Variants in TRPC6 observed in about 807,000 individuals in gnomAD.
The protein encoded by TRPC6 is short transient receptor potential channel 6.
TRPC6 carries 55 observed loss-of-function variants against 90.7 expected under a neutral mutation model. That is an observed-to-expected ratio of 0.61 (90% CI 0.49 to 0.76). The LOEUF is 0.76. Among genes scored for constraint, TRPC6 ranks in the 30% least tolerant of loss-of-function variants. TRPC6 has a pLI of 0.00. For missense variants in TRPC6, 989 were observed against 1,122.7 expected (o/e 0.88, Z 1.70); for synonymous variants, 393 against 393.0 (o/e 1.00, Z 0.00).
intron 1 of TRPC6, among the ~76,000 whole-genome samples, chr11:101,536,556 A>C (rs1328703815): frequency 1.3e-5 from 2 of 152,162 alleles, no homozygotes; most frequent in Non-Finnish European, 2.9e-5. Context: ...TAAGATGAAA[A>C]CCAAAGAAAA....
chr11:101,484,595 ATGTGTGTGTGTG>A (rs61160203), intron 4 of TRPC6, among the ~76,000 whole-genome samples: 26,024 of 140,822 alleles, frequency 0.18, 2,884 homozygotes, highest in African/African-American at 0.33. Flanking sequence ...CTCTCATGCT[ATGTGTGTGTGTG>A]TGTGTGTGTG....
chr11:101,491,723 G>GT lies in TRPC6; in HGVS notation c.960dup (p.Leu321ThrfsTer14). 1 of 1,604,796 alleles carries GT rather than the reference G, an allele frequency of 6.2e-7. No individual in the cohort carries two copies. Among genetic ancestry groups the GT allele is most frequent in the Non-Finnish European group, 8.5e-7 (1 of 1,174,300 alleles). On this transcript the variant is annotated frameshift_variant, in exon 3 of 13. Transcript: ENST00000344327. LOFTEE classifies it high-confidence loss of function. ...ACAAAGTCTTTGCACTGCATTGACAGTTTTTTGTAGTCATTCTAGGAAAAA... is the reference window on the plus strand; with the variant it reads ...ACAAAGTCTTTGCACTGCATTGACAGTTTTTTTGTAGTCATTCTAGGAAAAA...
intron 2 of TRPC6, among the ~76,000 whole-genome samples, chr11:101,494,301 A>G (rs4129254): frequency 0.42 from 63,441 of 151,952 alleles, 14,062 homozygotes; most frequent in African/African-American, 0.58. Flanking sequence ...CAGTCTATGA[A>G]GTAGGGGTTC....
At chr11:101,532,446 T>C (rs1860929498) in intron 1 of TRPC6, among the ~76,000 whole-genome samples, 1 of 152,182 alleles carries the variant, frequency 6.6e-6, no homozygotes, top group East Asian at 1.9e-4. Context: ...CCTAAAAGCA[T>C]CCAGGAATAA....
chr11:101,471,485 A>G (rs1472434421), intron 8 of TRPC6, 99 bp from the exon 9 acceptor site: 13 of 1,251,366 alleles, frequency 1.0e-5, no homozygotes, highest in Middle Eastern at 2.7e-4. Flanking sequence ...AATGCCTATA[A>G]ACACTCTCAG....
At position 101,469,520 on chromosome 11, in the gene TRPC6, A is replaced by G. The variant is rs773920236; in HGVS notation, c.2410-19T>C. Reference sequence around the variant, plus strand: ...CATTTATCTTTTAAAGATAGATAGTAAAATGAGTATAACTGCATAACCAAT... The same window carrying G: ...CATTTATCTTTTAAAGATAGATAGTGAAATGAGTATAACTGCATAACCAAT... On this transcript the variant is annotated intron_variant, in intron 9 of 12. Transcript: ENST00000344327. The G allele has an allele frequency of 1.2e-5, 9 of 744,322 alleles. No individual in the cohort carries two copies. In the Admixed American group the frequency reaches 1.6e-4, roughly 14 times the overall value. 46.1% of individuals were successfully genotyped at this position (744,322 alleles called of 1,614,324 possible). A position where few individuals can be genotyped will look rare whatever the true frequency, so the allele number is the denominator to read the frequency against.
At chr11:101,455,492 T>A (rs761169810) in intron 10 of TRPC6, 3 of 203,190 alleles carry the variant, frequency 1.5e-5, no homozygotes, top group Non-Finnish European at 3.0e-5. Flanking sequence ...AACTAAGACA[T>A]CCACACCTGA....
chr11:101,570,995 A>G (rs553560670), intron 1 of TRPC6, among the ~76,000 whole-genome samples: 1 of 152,306 alleles, frequency 6.6e-6, no homozygotes, highest in African/African-American at 2.4e-5. Flanking sequence ...CTCCTATTCA[A>G]CATAGTATTG....
At chr11:101,455,344 C>T (rs775878621) in intron 10 of TRPC6, 8 of 426,202 alleles carry the variant, frequency 1.9e-5, no homozygotes, top group Non-Finnish European at 3.0e-5. Context: ...TTGTGGCTGC[C>T]AATCACGTTG....
intron 1 of TRPC6, among the ~76,000 whole-genome samples, chr11:101,525,049 A>G (rs1252338848): frequency 2.0e-5 from 3 of 152,226 alleles, no homozygotes; most frequent in African/African-American, 2.4e-5. Flanking sequence ...TGAAGAGATG[A>G]ATATGTTTAA....
At chr11:101,489,209 G>T in intron 3 of TRPC6, 108 bp from the exon 4 acceptor site, 2 of 1,015,984 alleles carry the variant, frequency 2.0e-6, no homozygotes, top group Non-Finnish European at 3.0e-6. Flanking sequence ...TACATTGTTA[G>T]AATTAAAGAA....
intron 1 of TRPC6, among the ~76,000 whole-genome samples, chr11:101,516,371 A>G (rs1035937442): frequency 6.6e-6 from 1 of 152,182 alleles, no homozygotes; most frequent in Non-Finnish European, 1.5e-5. Context: ...AACAAAATTA[A>G]CACCATTTTC....
In TRPC6 at chr11:101,472,993, G is replaced by A. The variant is rs79995435; in HGVS notation, c.2009+516C>T. Among the ~76,000 whole-genome samples the A allele has an allele frequency of 2.1e-4, 32 of 151,902 alleles. No homozygotes were observed. In the East Asian group the frequency reaches 5.6e-3, roughly 27 times the overall value. On this transcript the variant is annotated intron_variant, in intron 7 of 12. Coordinates refer to ENST00000344327, the MANE Select transcript of TRPC6 (RefSeq NM_004621.6). ...ATGAAAAAAAAAACACGTGTCCATGGTGAACATAAGTCAAAACTCTTGCCA... is the reference window on the plus strand; with the variant it reads ...ATGAAAAAAAAAACACGTGTCCATGATGAACATAAGTCAAAACTCTTGCCA...
In TRPC6 at chr11:101,583,272, C is replaced by T. The variant is rs141180969; in HGVS notation, c.170+62G>A. 1,406 of 1,523,516 alleles carry T rather than the reference C, an allele frequency of 9.2e-4. 12 individuals carry two copies. The African/African-American group carries it at 0.018, about 19-fold the overall frequency. The allele number at this position is 1,523,516 out of a possible 1,614,324, so 94.4% of individuals were successfully genotyped here. On this transcript the variant is annotated intron_variant, in intron 1 of 12. Transcript: ENST00000344327. The stretch of plus-strand genomic sequence containing the variant: ...GCGCGGACGGACTCGGCCACTCCTG[C>T]GAGCGCACAACCTCCCTCCGCGCAG...
At chr11:101,528,732 G>A (rs547768464) in intron 1 of TRPC6, among the ~76,000 whole-genome samples, 8 of 152,222 alleles carry the variant, frequency 5.3e-5, no homozygotes, top group African/African-American at 1.9e-4. Context: ...ATGCTTAGCA[G>A]TATGAGGTAA....
chr11:101,501,699 A>G (rs1254790707), intron 2 of TRPC6, among the ~76,000 whole-genome samples: 1 of 152,104 alleles, frequency 6.6e-6, no homozygotes, highest in Non-Finnish European at 1.5e-5. Context: ...AATGCTTGAT[A>G]CCTGGCAAGG....
At chr11:101,473,844 G>T in intron 6 of TRPC6, 71 bp from the exon 7 acceptor site, 2 of 1,601,224 alleles carry the variant, frequency 1.2e-6, no homozygotes, top group Middle Eastern at 3.8e-4. Context: ...TTCTTTTTCT[G>T]CGAAAGAAAT....
Position 101,558,458 on chromosome 11 carries a change from CAT to C in TRPC6, c.170+24874_170+24875del, listed in dbSNP as rs1259554186. ...ATATACATATATATACACACGCACA[CAT>C]ACACACACACACACACACACACACA... On this transcript the variant is annotated intron_variant, in intron 1 of 12. Coordinates refer to ENST00000344327, the MANE Select transcript of TRPC6 (RefSeq NM_004621.6). Among the ~76,000 whole-genome samples, 78 of 15,900 alleles carry C rather than the reference CAT, an allele frequency of 4.9e-3. 3 individuals carry two copies. Among genetic ancestry groups the C allele is most frequent in the Middle Eastern group, 0.071 (1 of 14 alleles). The allele number at this position is 15,900 out of a possible 152,430, so 10.4% of individuals were successfully genotyped here.
intron 1 of TRPC6, among the ~76,000 whole-genome samples, chr11:101,582,206 AG>A (rs1297964331): frequency 6.6e-6 from 1 of 152,196 alleles, no homozygotes; most frequent in African/African-American, 2.4e-5. Flanking sequence ...CTTTGAGAAA[AG>A]TTAGATGCTC....
Sources: allele counts gnomAD v4.1 joint callset (sites outside exome capture counted in the v4.1 genomes callset), GRCh38; gene constraint gnomAD v4.1.1; transcripts MANE v1.5; gene names NCBI Gene and HGNC (gene_info 2026-07-23, HGNC 2026-07-21).